TTLL11: variants seen among roughly 807,000 people sequenced by gnomAD.
TTLL11 encodes the protein tubulin polyglutamylase TTLL11.
TTLL11 carries 42 observed loss-of-function variants against 51.7 expected under a neutral mutation model. The observed-to-expected ratio is 0.81, with a 90% CI of 0.64 to 1.05. The LOEUF (loss-of-function observed/expected upper bound fraction) is 1.05. Among genes scored for constraint, TTLL11 ranks in the 50% least tolerant of loss-of-function variants. The pLI is 0.00. For missense variants in TTLL11, 799 were observed against 940.4 expected (o/e 0.85, Z 1.97); for synonymous variants, 381 against 383.5 (o/e 0.99, Z 0.08).
intron 1 of TTLL11, among the ~76,000 whole-genome samples, chr9:122,065,087 T>TA (rs953084560): frequency 5.9e-5 from 9 of 152,014 alleles, no homozygotes; most frequent in Admixed American, 1.3e-4. Flanking sequence ...AGGGGCTTGT[T>TA]AAAAAAAATA....
At chr9:122,070,432 C>T (rs1845698363) in intron 1 of TTLL11, among the ~76,000 whole-genome samples, 1 of 152,126 alleles carries the variant, frequency 6.6e-6, no homozygotes, top group Admixed American at 6.5e-5. Flanking sequence ...TGAGCAAAAA[C>T]TGAGTGTGAG....
At chr9:121,835,813 A>T (rs1218659409) in intron 8 of TTLL11, among the ~76,000 whole-genome samples, 2 of 152,206 alleles carry the variant, frequency 1.3e-5, no homozygotes, top group African/African-American at 4.8e-5. Flanking sequence ...CTGGGAAGAC[A>T]GGGCCACAGT....
chr9:121,894,460 C>T (rs1218771199), intron 6 of TTLL11, among the ~76,000 whole-genome samples: 8 of 152,174 alleles, frequency 5.3e-5, no homozygotes, highest in Non-Finnish European at 7.3e-5. Flanking sequence ...ATGTTTATTG[C>T]AGCACTAGTC....
At chr9:121,898,757 G>A (rs563784686) in intron 6 of TTLL11, among the ~76,000 whole-genome samples, 20 of 152,198 alleles carry the variant, frequency 1.3e-4, no homozygotes, top group Non-Finnish European at 2.2e-4. Context: ...GGGATCAAGC[G>A]ATCCTCTTGC....
At chr9:121,998,741 C>T (rs1287817705) in intron 3 of TTLL11, among the ~76,000 whole-genome samples, 3 of 152,158 alleles carry the variant, frequency 2.0e-5, no homozygotes, top group Non-Finnish European at 4.4e-5. Flanking sequence ...AGGCAGTGCA[C>T]TAGGCACGTC....
chr9:122,060,461 C>A (rs968992736), intron 1 of TTLL11, among the ~76,000 whole-genome samples: 6 of 152,326 alleles, frequency 3.9e-5, no homozygotes, highest in South Asian at 2.1e-4. Flanking sequence ...CCCTGCCATG[C>A]TGGTAGAGCA....
At chr9:121,965,052 T>C (rs1381336405) in intron 6 of TTLL11, among the ~76,000 whole-genome samples, 1 of 152,206 alleles carries the variant, frequency 6.6e-6, no homozygotes, top group Non-Finnish European at 1.5e-5. Flanking sequence ...AATAAATATC[T>C]GTTTCTCTAA....
At chr9:122,073,908 G>A (rs150512188) in intron 1 of TTLL11, among the ~76,000 whole-genome samples, 1 of 152,282 alleles carries the variant, frequency 6.6e-6, no homozygotes, top group African/African-American at 2.4e-5. Context: ...GGACTCATCA[G>A]CTACGTCTGC....
At position 121,985,687 on chromosome 9, in the gene TTLL11, T is replaced by C. The variant is rs575277551; in HGVS notation, c.1269+3508A>G. Among the ~76,000 whole-genome samples, 101 of 151,968 alleles carry C rather than the reference T, an allele frequency of 6.6e-4. No homozygotes were observed. In the Middle Eastern group the frequency reaches 0.01, roughly 15 times the overall value. ...GCCTGCCTCAACACCCGGCTAATTTTTTGTAATTTTTTTTAGTAAAGATGG... is the reference window on the plus strand; with the variant it reads ...GCCTGCCTCAACACCCGGCTAATTTCTTGTAATTTTTTTTAGTAAAGATGG... On this transcript the variant is annotated intron_variant, in intron 4 of 8. Transcript: ENST00000321582.
At position 121,839,899 on chromosome 9, in the gene TTLL11, C is replaced by T. The variant is rs546735629; in HGVS notation, c.1841-17020G>A. On this transcript the variant is annotated intron_variant, in intron 8 of 8. Coordinates refer to ENST00000321582, the MANE Select transcript of TTLL11 (RefSeq NM_001139442.2). ...TGAGGAGCTCTTCAAAGCTGGCCTG[C>T]CATTTGGAGCGGTGACAGGAGGCAG... Among the ~76,000 whole-genome samples, 39 of 152,264 alleles carry T rather than the reference C, an allele frequency of 2.6e-4. No individual in the cohort carries two copies. In the South Asian group the frequency reaches 7.9e-3, roughly 31 times the overall value.
chr9:121,827,359 C>A (rs1277454859), intron 8 of TTLL11, among the ~76,000 whole-genome samples: 1 of 152,034 alleles, frequency 6.6e-6, no homozygotes, highest in Non-Finnish European at 1.5e-5. Flanking sequence ...GCCCTTGAAC[C>A]CTTGTTTAGC....
intron 6 of TTLL11, among the ~76,000 whole-genome samples, chr9:121,938,482 A>G (rs1841317543): frequency 6.6e-6 from 1 of 152,196 alleles, no homozygotes; most frequent in South Asian, 2.1e-4. Flanking sequence ...GGCAAATTAC[A>G]ACAGGGTAAA....
chr9:121,939,475 T>C (rs1036203836), intron 6 of TTLL11, among the ~76,000 whole-genome samples: 4 of 152,168 alleles, frequency 2.6e-5, no homozygotes, highest in Admixed American at 1.3e-4. Flanking sequence ...AGTCACTTTG[T>C]TGCCAAACAT....
chr9:122,045,548 C>T (rs917027223), intron 1 of TTLL11, among the ~76,000 whole-genome samples: 5 of 151,378 alleles, frequency 3.3e-5, no homozygotes, highest in Non-Finnish European at 5.9e-5. Context: ...GAGACTCCAT[C>T]GCAAAAAAAA....
At chr9:121,923,928 A>G (rs1840626853) in intron 6 of TTLL11, among the ~76,000 whole-genome samples, 1 of 152,082 alleles carries the variant, frequency 6.6e-6, no homozygotes, top group South Asian at 2.1e-4. Flanking sequence ...TATGGGAGGG[A>G]CCCAGTGGGA....
intron 6 of TTLL11, among the ~76,000 whole-genome samples, chr9:121,872,062 C>A (rs1272542329): frequency 1.3e-5 from 2 of 152,232 alleles, no homozygotes; most frequent in Non-Finnish European, 2.9e-5. Flanking sequence ...GATGACGTCT[C>A]GTGGTACTGA....
At chr9:122,047,938 C>G (rs1317095610) in intron 1 of TTLL11, among the ~76,000 whole-genome samples, 1 of 152,140 alleles carries the variant, frequency 6.6e-6, no homozygotes, top group East Asian at 1.9e-4. Flanking sequence ...TCCTGAGAAT[C>G]ACCCATGTCA....
intron 6 of TTLL11, among the ~76,000 whole-genome samples, chr9:121,872,098 G>T (rs1201777615): frequency 6.6e-6 from 1 of 152,222 alleles, no homozygotes; most frequent in East Asian, 1.9e-4. Flanking sequence ...ATGGTACCAA[G>T]GCCTGTTCTC....
At chr9:121,958,389 C>T (rs1842089686) in intron 6 of TTLL11, among the ~76,000 whole-genome samples, 1 of 152,218 alleles carries the variant, frequency 6.6e-6, no homozygotes, top group South Asian at 2.1e-4. Context: ...ACTTCACCCC[C>T]TTTCCCATAT....
Sources: gnomAD v4.1 joint callset for allele counts (sites outside exome capture counted in the v4.1 genomes callset) on GRCh38, gnomAD v4.1.1 for gene constraint, MANE v1.5 for transcripts, NCBI Gene and HGNC (gene_info 2026-07-23, HGNC 2026-07-21) for gene names.